PRR11: variants seen among roughly 807,000 people sequenced by gnomAD.
PRR11 encodes proline rich 11, also known as proline-rich protein 11.
PRR11 carries 30 observed loss-of-function variants against 45.6 expected under a neutral mutation model. That is an observed-to-expected ratio of 0.66 (90% CI 0.49 to 0.89). PRR11 has a LOEUF of 0.89. Among genes scored for constraint, PRR11 ranks in the 40% least tolerant of loss-of-function variants. The probability of loss-of-function intolerance (pLI) is 0.00; values close to 1 mark genes in which losing one functional copy is unlikely to be tolerated. For missense variants in PRR11, 373 were observed against 424.8 expected (o/e 0.88, Z 1.07); for synonymous variants, 128 against 153.5 (o/e 0.83, Z 1.23).
At chr17:59,174,268 G>A (rs566789013) in intron 2 of PRR11, among the ~76,000 whole-genome samples, 9 of 152,248 alleles carry the variant, frequency 5.9e-5, no homozygotes, top group African/African-American at 2.2e-4. Context: ...AGCTAAACTC[G>A]TAACCATGCT....
rs1454786135 is a variant in PRR11, at chr17:59,169,784, T to C, written c.32T>C (p.Leu11Pro). The change falls in exon 2 of 10, where the codon CTA (leucine) becomes CCA (proline). Residue 11 changes from leucine (L) to proline (P), a missense_variant. Coordinates refer to ENST00000262293, the MANE Select transcript of PRR11 (RefSeq NM_018304.4). ...AAGTTCAAACAACGAAGACGAAAGC[T>C]AAAAGCCAAAGCCGAAAGATTATTC... is the stretch of plus-strand genomic sequence containing the variant. The part of the protein sequence containing the change: MPKFKQRRRK[L>P]KAKAERLFKK... The C allele has an allele frequency of 6.2e-7, 1 of 1,603,300 alleles. No homozygotes were observed. The highest frequency in any genetic ancestry group is 8.5e-7 in the Non-Finnish European group (1 of 1,177,288).
intron 1 of PRR11, among the ~76,000 whole-genome samples, chr17:59,165,771 A>G (rs2046676953): frequency 6.6e-6 from 1 of 152,254 alleles, no homozygotes; most frequent in African/African-American, 2.4e-5. Flanking sequence ...CAGCCTGGGC[A>G]ACAAGAGCAA....
intron 2 of PRR11, among the ~76,000 whole-genome samples, chr17:59,182,024 TG>T (rs1400261124): frequency 1.8e-4 from 16 of 88,508 alleles, no homozygotes; most frequent in African/African-American, 6.9e-4. Context: ...TTTTTGTTAT[TG>T]GTTTTTTTTT....
At chr17:59,184,861 T>G (rs1204526632) in intron 2 of PRR11, among the ~76,000 whole-genome samples, 193 bp from the exon 3 acceptor site, 4 of 143,188 alleles carry the variant, frequency 2.8e-5, no homozygotes, top group Admixed American at 1.4e-4. Context: ...TTTTTTTTTT[T>G]TTTTTTTTTT....
chr17:59,161,410 CA>C (rs60245705), intron 1 of PRR11, among the ~76,000 whole-genome samples: 67 of 95,260 alleles, frequency 7.0e-4, no homozygotes, highest in East Asian at 6.1e-4. Flanking sequence ...GACTCCGTCT[CA>C]AAAAAAAAAA....
At chr17:59,195,633 C>T (rs2046862352) in intron 7 of PRR11, among the ~76,000 whole-genome samples, 190 bp downstream of exon 7, 1 of 152,100 alleles carries the variant, frequency 6.6e-6, no homozygotes, top group Non-Finnish European at 1.5e-5. Flanking sequence ...TCTAAATAAT[C>T]CTATCACTGG....
At chr17:59,179,503 CTCATGAGTGA>C in intron 2 of PRR11, 3 of 1,253,544 alleles carry the variant, frequency 2.4e-6, no homozygotes, top group Non-Finnish European at 3.2e-6. Context: ...CTAAGTGTCC[CTCATGAGTGA>C]TCACTTCTGA....
intron 2 of PRR11, chr17:59,178,467 A>T (rs35058228): frequency 9.7e-6 from 5 of 516,568 alleles, no homozygotes; most frequent in African/African-American, 9.6e-5. Flanking sequence ...TGGAGAACAA[A>T]CTTACCTTGT....
At chr17:59,196,413 G>A (rs950269358) in intron 7 of PRR11, among the ~76,000 whole-genome samples, 2 of 151,930 alleles carry the variant, frequency 1.3e-5, no homozygotes, top group Non-Finnish European at 2.9e-5. Flanking sequence ...GTCTTGCTCT[G>A]TCGCCCAGAC....
At chr17:59,183,286 C>A (rs1809610961) in intron 2 of PRR11, among the ~76,000 whole-genome samples, 1 of 152,134 alleles carries the variant, frequency 6.6e-6, no homozygotes, top group South Asian at 2.1e-4. Context: ...AAGCCTGAAG[C>A]ATTTTGGGGT....
At chr17:59,190,955 G>A (rs1319685851) in intron 4 of PRR11, among the ~76,000 whole-genome samples, 4 of 152,238 alleles carry the variant, frequency 2.6e-5, no homozygotes, top group African/African-American at 7.2e-5. Context: ...CCCTGGGCCT[G>A]TTTGCCCCAC....
chr17:59,194,657 T>G, intron 5 of PRR11, 100 bp from the exon 6 acceptor site: 1 of 793,190 alleles, frequency 1.3e-6, no homozygotes, highest in South Asian at 1.8e-5. Flanking sequence ...TAGATAAGAG[T>G]TACCTCTTAA....
chr17:59,156,826 A>G (rs1599686958), intron 1 of PRR11, among the ~76,000 whole-genome samples: 1 of 151,880 alleles, frequency 6.6e-6, no homozygotes, highest in African/African-American at 2.4e-5. Flanking sequence ...ACGGGGTTTC[A>G]CCCTCTTGGC....
At chr17:59,173,150 A>C (rs1244078798) in intron 2 of PRR11, among the ~76,000 whole-genome samples, 1 of 152,156 alleles carries the variant, frequency 6.6e-6, no homozygotes, top group Admixed American at 6.5e-5. Flanking sequence ...TAGCTAATCT[A>C]GTGGGGACAT....
intron 4 of PRR11, among the ~76,000 whole-genome samples, chr17:59,187,408 TAAAATACA>T: frequency 6.6e-6 from 1 of 151,832 alleles, no homozygotes; most frequent in South Asian, 2.1e-4. Context: ...CCCTCTCTAC[TAAAATACA>T]AAAATTAGCT....
At chr17:59,182,389 C>CTT (rs147890743) in intron 2 of PRR11, among the ~76,000 whole-genome samples, 2,836 of 107,292 alleles carry the variant, frequency 0.026, 207 homozygotes, top group East Asian at 0.13. Flanking sequence ...TCTGACCCTT[C>CTT]TTTTTTTTTT....
chr17:59,188,546 G>A (rs968841619), intron 4 of PRR11, among the ~76,000 whole-genome samples: 3 of 152,072 alleles, frequency 2.0e-5, no homozygotes, highest in Non-Finnish European at 4.4e-5. Flanking sequence ...TTAATACTAT[G>A]TAGCCGTTAA....
At chr17:59,174,083 G>A (rs1239321818) in intron 2 of PRR11, among the ~76,000 whole-genome samples, 2 of 152,160 alleles carry the variant, frequency 1.3e-5, no homozygotes, top group Non-Finnish European at 2.9e-5. Context: ...GTGTTCAGCT[G>A]TGAAACTCAC....
intron 2 of PRR11, among the ~76,000 whole-genome samples, chr17:59,183,025 C>A (rs971295513): frequency 6.6e-6 from 1 of 152,134 alleles, no homozygotes; most frequent in South Asian, 2.1e-4. Flanking sequence ...ACTTGAGCTC[C>A]CAGATGCCCA....
Sources: allele counts gnomAD v4.1 joint callset (sites outside exome capture counted in the v4.1 genomes callset), GRCh38; gene constraint gnomAD v4.1.1; transcripts MANE v1.5; gene names NCBI Gene and HGNC (gene_info 2026-07-23, HGNC 2026-07-21).